The following MSH3 variants were observed in gnomAD, a reference collection of about 807,000 sequenced individuals.
MSH3 encodes mutS homolog 3.
Under a neutral mutation model 123.3 loss-of-function variants are expected in MSH3, and 106 were observed. The observed-to-expected ratio is 0.86, with a 90% CI of 0.73 to 1.01. MSH3 has a LOEUF of 1.01. Ranked by LOEUF, MSH3 falls within the 50% of genes least tolerant of loss-of-function variation. The pLI is 0.00. For missense variants in MSH3, 1,459 were observed against 1,347.6 expected, an observed-to-expected ratio of 1.08 and a Z score of -1.29; for synonymous variants, 515 against 481.4, an observed-to-expected ratio of 1.07 and a Z score of -0.91.
intron 8 of MSH3, among the ~76,000 whole-genome samples, chr5:80,685,955 T>A (rs1258764398): frequency 6.6e-6 from 1 of 152,210 alleles, no homozygotes; most frequent in Non-Finnish European, 1.5e-5. Flanking sequence ...GTTTGTATAG[T>A]TTCCAAAATT....
At chr5:80,699,090 G>C (rs1473178855) in intron 8 of MSH3, among the ~76,000 whole-genome samples, 1 of 152,144 alleles carries the variant, frequency 6.6e-6, no homozygotes, top group Non-Finnish European at 1.5e-5. Context: ...GGGGACCGTA[G>C]CCTAGTGACC....
chr5:80,814,464 G>A (rs939769251), intron 20 of MSH3, among the ~76,000 whole-genome samples: 7 of 115,894 alleles, frequency 6.0e-5, no homozygotes, highest in Admixed American at 5.8e-4. Context: ...TAGAGACAGG[G>A]TTTTGCCATG....
chr5:80,786,364 G>A (rs1224130870), intron 17 of MSH3, among the ~76,000 whole-genome samples: 2 of 152,140 alleles, frequency 1.3e-5, no homozygotes, highest in African/African-American at 4.8e-5. Context: ...CTTAGGTAAT[G>A]AAGACCTACC....
chr5:80,715,790 AACTC>A (rs1442032754), intron 8 of MSH3, among the ~76,000 whole-genome samples: 1 of 151,940 alleles, frequency 6.6e-6, no homozygotes, highest in Non-Finnish European at 1.5e-5. Flanking sequence ...ATCTCATGAG[AACTC>A]ACTCACTATC....
chr5:80,734,761 G>A (rs114820182), intron 10 of MSH3, among the ~76,000 whole-genome samples: 2,144 of 152,244 alleles, frequency 0.014, 23 homozygotes, highest in Non-Finnish European at 0.022. Context: ...CCCTTCAGCA[G>A]ATCTCTGGAG....
chr5:80,782,784 A>C (rs1003500107), intron 17 of MSH3, among the ~76,000 whole-genome samples: 1 of 152,308 alleles, frequency 6.6e-6, no homozygotes, highest in South Asian at 2.1e-4. Flanking sequence ...TGTGACTATG[A>C]TATCATTAAA....
intron 6 of MSH3, among the ~76,000 whole-genome samples, chr5:80,673,533 C>A (rs1749768319): frequency 6.6e-6 from 1 of 150,464 alleles, no homozygotes; most frequent in Non-Finnish European, 1.5e-5. Context: ...CTGTCTCAAA[C>A]AAACAAACAA....
chr5:80,654,804 G>T lies in MSH3; in HGVS notation c.77G>T (p.Arg26Leu), dbSNP rs780517196. Residue 26 changes from arginine (R) to leucine (L), a missense_variant, in exon 1 of 24, where the codon CGA becomes CTA. Physicochemically the swap from Arg to Leu is moderately radical, Grantham distance 102. Coordinates refer to ENST00000265081, the MANE Select transcript of MSH3 (RefSeq NM_002439.5). ...CCTGCGAGGCAAGCGGTTTTGAGCCGATTCTTCCAGTCTACGGGAAGCCTG... is the reference window on the plus strand; with the variant it reads ...CCTGCGAGGCAAGCGGTTTTGAGCCTATTCTTCCAGTCTACGGGAAGCCTG... Reference protein sequence around the residue: ...SAPARQAVLSRFFQSTGSLKS... With the variant: ...SAPARQAVLSLFFQSTGSLKS... 2 of 1,606,372 alleles carry T rather than the reference G, an allele frequency of 1.2e-6. No individual in the cohort carries two copies. The highest frequency in any genetic ancestry group is 2.2e-5 in the South Asian group (2 of 90,578).
intron 23 of MSH3, among the ~76,000 whole-genome samples, chr5:80,874,373 G>A (rs780865841): frequency 1.3e-5 from 2 of 152,108 alleles, no homozygotes; most frequent in Non-Finnish European, 2.9e-5. Flanking sequence ...ATGGCACACA[G>A]CCTCCTCTAG....
At chr5:80,780,027 C>T (rs1275802030) in intron 17 of MSH3, among the ~76,000 whole-genome samples, 2 of 152,140 alleles carry the variant, frequency 1.3e-5, no homozygotes, top group African/African-American at 2.4e-5. Flanking sequence ...TTATCTGCCA[C>T]GTTTTTTGTT....
intron 20 of MSH3, among the ~76,000 whole-genome samples, chr5:80,814,428 C>A (rs1039508764): frequency 1.3e-5 from 2 of 152,132 alleles, no homozygotes; most frequent in African/African-American, 4.8e-5. Context: ...CCTGCCACCA[C>A]GCCCAGCTGA....
intron 12 of MSH3, among the ~76,000 whole-genome samples, chr5:80,754,284 T>TATA (rs1554071677): frequency 6.6e-6 from 1 of 151,318 alleles, no homozygotes; most frequent in South Asian, 2.1e-4. Context: ...AATATGAATT[T>TATA]TATATATATA....
chr5:80,851,645 T>TTG (rs1745832564), intron 20 of MSH3, among the ~76,000 whole-genome samples: 2 of 152,214 alleles, frequency 1.3e-5, no homozygotes, highest in African/African-American at 4.8e-5. Flanking sequence ...TGATGACATA[T>TTG]ATGTAAAGCC....
chr5:80,750,078 A>AGTGTGGGTGTGTGTGTGTGT (rs138305039), intron 12 of MSH3, among the ~76,000 whole-genome samples: 1 of 134,206 alleles, frequency 7.5e-6, no homozygotes, highest in African/African-American at 3.0e-5. Context: ...AGTATTCCAG[A>AGTGTGGGTGTGTGTGTGTGT]GTGTGTGTGT....
intron 20 of MSH3, among the ~76,000 whole-genome samples, chr5:80,820,508 C>T (rs995352897): frequency 2.3e-4 from 35 of 151,770 alleles, no homozygotes; most frequent in African/African-American, 1.2e-4. Flanking sequence ...CCTTTTATCC[C>T]CTATTCCTAG....
chr5:80,758,546 G>A (rs1174493168), intron 12 of MSH3, among the ~76,000 whole-genome samples: 1 of 152,130 alleles, frequency 6.6e-6, no homozygotes, highest in Non-Finnish European at 1.5e-5. Flanking sequence ...AGCCCAAGTT[G>A]GTAACCTCTG....
intron 16 of MSH3, among the ~76,000 whole-genome samples, 174 bp from the exon 17 acceptor site, chr5:80,778,546 T>C (rs965307481): frequency 3.3e-5 from 5 of 152,252 alleles, no homozygotes; most frequent in African/African-American, 7.2e-5. Flanking sequence ...AGCAAAGTCA[T>C]ATTCTTTGGA....
intron 8 of MSH3, among the ~76,000 whole-genome samples, chr5:80,713,149 C>T (rs572877849): frequency 3.3e-5 from 5 of 152,108 alleles, no homozygotes; most frequent in African/African-American, 4.8e-5. Flanking sequence ...GGTAAGCTGA[C>T]ATTTGTTTGT....
intron 8 of MSH3, among the ~76,000 whole-genome samples, chr5:80,706,387 T>C (rs942506852): frequency 1.3e-5 from 2 of 152,202 alleles, no homozygotes; most frequent in East Asian, 3.8e-4. Context: ...TTCCACTGAT[T>C]TGAAAATGTC....
Sources: allele counts gnomAD v4.1 joint callset (sites outside exome capture counted in the v4.1 genomes callset), GRCh38; gene constraint gnomAD v4.1.1; transcripts MANE v1.5; gene names NCBI Gene and HGNC (gene_info 2026-07-23, HGNC 2026-07-21).